CFTR: variants seen among roughly 807,000 people sequenced by gnomAD.
CFTR encodes CF transmembrane conductance regulator.
Under a neutral mutation model 171.6 loss-of-function variants are expected in CFTR, and 181 were observed. The observed-to-expected ratio is 1.05, with a 90% CI of 0.93 to 1.19. The LOEUF (loss-of-function observed/expected upper bound fraction) is 1.19. CFTR is among the 50% of genes most tolerant of loss of function. CFTR has a pLI of 0.00. For missense variants in CFTR, 1,968 were observed against 1,734.7 expected, an observed-to-expected ratio of 1.13 and a Z score of -2.39; for synonymous variants, 583 against 608.0, an observed-to-expected ratio of 0.96 and a Z score of 0.60.
At chr7:117,665,755 T>A (rs1302424182) in intron 26 of CFTR, among the ~76,000 whole-genome samples, 191 bp downstream of exon 26, 1 of 152,232 alleles carries the variant, frequency 6.6e-6, no homozygotes, top group African/African-American at 2.4e-5. Context: ...GTGGTGAGGT[T>A]GAAATATAGT....
At chr7:117,545,782 T>G (rs1041017613) in intron 9 of CFTR, among the ~76,000 whole-genome samples, 1 of 152,058 alleles carries the variant, frequency 6.6e-6, no homozygotes, top group Non-Finnish European at 1.5e-5. Context: ...CTTTCTCACT[T>G]AGCATATCAT....
intron 11 of CFTR, among the ~76,000 whole-genome samples, chr7:117,579,558 A>C (rs1584806888): frequency 6.6e-6 from 1 of 151,640 alleles, no homozygotes; most frequent in South Asian, 2.1e-4. Flanking sequence ...TATTCTTCTT[A>C]TTATTTATGT....
chr7:117,666,129 T>TG (rs1443758138), intron 26 of CFTR, among the ~76,000 whole-genome samples: 1 of 151,924 alleles, frequency 6.6e-6, no homozygotes, highest in African/African-American at 2.4e-5. Context: ...GAGGCTGAGG[T>TG]GGGGGGATTA....
Position 117,603,543 on chromosome 7 carries a change from A to G in CFTR, c.2669A>G (p.Gln890Arg), listed in dbSNP as rs397508417. 4.3e-6 allele frequency: 7 copies of G among 1,613,952 alleles called. No homozygotes were observed. Among genetic ancestry groups the G allele is most frequent in the Non-Finnish European group, 5.1e-6 (6 of 1,179,904 alleles). The part of the protein sequence containing the change: ...VLWLLGNTPL[Q>R]DKGNSTHSRN... ...TATTTGCTTTACAGCACTCCTCTTC[A>G]AGACAAAGGGAATAGTACTCATAGT... Residue 890 changes from glutamine (Q) to arginine (R), a missense_variant, in exon 17 of 27, where the codon CAA (glutamine) becomes CGA (arginine). Transcript: ENST00000003084.
chr7:117,516,874 G>T (rs1182473286), intron 3 of CFTR, among the ~76,000 whole-genome samples: 2 of 151,904 alleles, frequency 1.3e-5, no homozygotes, highest in Admixed American at 1.3e-4. Flanking sequence ...TGTGATTTTG[G>T]GTAGGTTACT....
intron 14 of CFTR, among the ~76,000 whole-genome samples, chr7:117,594,460 T>C (rs1489765578): frequency 6.6e-6 from 1 of 152,200 alleles, no homozygotes; most frequent in Non-Finnish European, 1.5e-5. Context: ...CCTAAGTTAC[T>C]AAGAAATGTT....
intron 23 of CFTR, among the ~76,000 whole-genome samples, chr7:117,644,002 C>T (rs1798361882): frequency 6.6e-6 from 1 of 151,818 alleles, no homozygotes; most frequent in Non-Finnish European, 1.5e-5. Context: ...CCAAGTGGGC[C>T]AGAGTTTTGA....
At chr7:117,639,339 C>T (rs1197152820) in intron 22 of CFTR, among the ~76,000 whole-genome samples, 2 of 152,144 alleles carry the variant, frequency 1.3e-5, no homozygotes, top group Middle Eastern at 3.4e-3. Context: ...TTTCTTAAAA[C>T]CTTTTGACTT....
intron 4 of CFTR, 89 bp downstream of exon 4, chr7:117,531,203 G>C: frequency 1.0e-6 from 1 of 977,520 alleles, no homozygotes; most frequent in Non-Finnish European, 1.6e-6. Flanking sequence ...GCTGGTACAA[G>C]TAAGGGATAA....
chr7:117,511,439 A>T (rs1798517021), intron 3 of CFTR, among the ~76,000 whole-genome samples: 1 of 152,214 alleles, frequency 6.6e-6, no homozygotes, highest in African/African-American at 2.4e-5. Flanking sequence ...TGGCGTATTA[A>T]TTATCCATGC....
At chr7:117,486,675 G>C (rs1798078994) in intron 1 of CFTR, among the ~76,000 whole-genome samples, 1 of 151,876 alleles carries the variant, frequency 6.6e-6, no homozygotes, top group Admixed American at 6.6e-5. Context: ...AGAGATTTGT[G>C]GGAGATGGGT....
At chr7:117,492,920 A>G (rs966148152) in intron 1 of CFTR, among the ~76,000 whole-genome samples, 3 of 149,266 alleles carry the variant, frequency 2.0e-5, no homozygotes, top group Admixed American at 6.7e-5. Flanking sequence ...GGAAGTTACC[A>G]TTTTTTTTTT....
intron 11 of CFTR, among the ~76,000 whole-genome samples, chr7:117,568,569 A>G (rs34285652): frequency 5.6e-4 from 86 of 152,346 alleles, no homozygotes; most frequent in African/African-American, 2.0e-3. Context: ...ATTTTTAAAA[A>G]TAATTTAACA....
Position 117,627,660 on chromosome 7 carries a change from A to T in CFTR, c.3607A>T (p.Ile1203Phe), listed in dbSNP as rs75647395. Residue 1203 changes from isoleucine (I) to phenylalanine (F), a missense_variant, in exon 22 of 27, where the codon ATC becomes TTC. Physicochemically the swap from Ile to Phe is conservative, Grantham distance 21. Transcript: ENST00000003084. ...GAATTCACACGTGAAGAAAGATGAC[A>T]TCTGGCCCTCAGGGGGCCAAATGAC... ...IENSHVKKDD[I>F]WPSGGQMTVK... The T allele has an allele frequency of 3.7e-6, 6 of 1,613,370 alleles. No individual in the cohort carries two copies. Among genetic ancestry groups the T allele is most frequent in the Non-Finnish European group, 5.1e-6 (6 of 1,179,620 alleles).
At chr7:117,495,859 A>G (rs945869578) in intron 1 of CFTR, among the ~76,000 whole-genome samples, 1 of 152,202 alleles carries the variant, frequency 6.6e-6, no homozygotes, top group Non-Finnish European at 1.5e-5. Flanking sequence ...GTTGTTCTTA[A>G]TAATAGCTTT....
At chr7:117,592,778 T>G in intron 14 of CFTR, 121 bp downstream of exon 14, 1 of 806,554 alleles carries the variant, frequency 1.2e-6, no homozygotes, top group Non-Finnish European at 1.7e-6. Flanking sequence ...ATCTTAAAAC[T>G]CAGAAAGTAT....
At chr7:117,583,527 G>C (rs1791883076) in intron 11 of CFTR, among the ~76,000 whole-genome samples, 1 of 152,072 alleles carries the variant, frequency 6.6e-6, no homozygotes, top group Non-Finnish European at 1.5e-5. Context: ...TGGCTGAATA[G>C]TATTCCATAG....
At chr7:117,509,965 G>C (rs1325432336) in intron 3 of CFTR, among the ~76,000 whole-genome samples, 1 of 152,028 alleles carries the variant, frequency 6.6e-6, no homozygotes, top group Non-Finnish European at 1.5e-5. Context: ...GTTAAACAGT[G>C]TCTCCCAGAG....
chr7:117,548,630 T>TGTG lies in CFTR; in HGVS notation c.1210-11_1210-10insGTG, dbSNP rs551227135. The TGTG allele has an allele frequency of 2.6e-6, 4 of 1,538,614 alleles. No homozygotes were observed. The highest frequency in any genetic ancestry group is 2.9e-5 in the African/African-American group (2 of 69,184). ...GATGTGTGTGTGTGTGTGTGTGTGT[T>TGTG]TTTTTAACAGGGATTTGGGGAATTA... On this transcript the variant is annotated splice_polypyrimidine_tract_variant and intron_variant, in intron 9 of 26. Coordinates refer to ENST00000003084, the MANE Select transcript of CFTR (RefSeq NM_000492.4).
Sources: allele counts gnomAD v4.1 joint callset (sites outside exome capture counted in the v4.1 genomes callset), GRCh38; gene constraint gnomAD v4.1.1; transcripts MANE v1.5; gene names NCBI Gene and HGNC (gene_info 2026-07-23, HGNC 2026-07-21).